The following NBAS variants were observed in gnomAD, a reference collection of about 807,000 sequenced individuals.
The protein encoded by NBAS is NAG/BC035112 fusion.
A neutral mutation model predicts 302.5 loss-of-function variants in NBAS; 219 were observed. The ratio of observed to expected loss-of-function variants is 0.72; its 90% CI spans 0.65 to 0.81. The LOEUF (loss-of-function observed/expected upper bound fraction) is 0.81. NBAS is among the 30% of genes least tolerant of loss of function. NBAS has a pLI of 0.00. For synonymous variants in NBAS, 1,118 were observed against 1,021.6 expected (o/e 1.09, Z -1.80); for missense variants, 2,932 against 2,841.6 (o/e 1.03, Z -0.72).
chr2:14,821,492 C>T, the NBAS span, among the ~76,000 whole-genome samples: 1 of 152,112 alleles, frequency 6.6e-6, no homozygotes, highest in Non-Finnish European at 1.5e-5. Flanking sequence ...TTCACCTTGC[C>T]CACCTTGCCT....
intron 21 of NBAS, among the ~76,000 whole-genome samples, chr2:15,442,466 C>A (rs1171775439): frequency 3.3e-5 from 5 of 151,834 alleles, no homozygotes; most frequent in African/African-American, 1.2e-4. Flanking sequence ...AGAACAAAGA[C>A]ACAACATACC....
intron 9 of NBAS, among the ~76,000 whole-genome samples, chr2:15,532,864 TA>T (rs543524636): frequency 1.7e-4 from 25 of 150,816 alleles, no homozygotes; most frequent in Middle Eastern, 3.5e-3. Flanking sequence ...CACATCTTGG[TA>T]AAAAAAAATA....
At chr2:15,245,644 T>TGGATGGACGGACGGAC (rs1553351366) in intron 44 of NBAS, among the ~76,000 whole-genome samples, 1 of 149,106 alleles carries the variant, frequency 6.7e-6, no homozygotes. Flanking sequence ...GATGGATGGA[T>TGGATGGACGGACGGAC]GGACGGACGG....
chr2:15,102,346 C>T, the NBAS span, among the ~76,000 whole-genome samples: 1 of 152,178 alleles, frequency 6.6e-6, no homozygotes, highest in Non-Finnish European at 1.5e-5. Flanking sequence ...AGGACACACC[C>T]AGGAACTGCA....
At chr2:15,391,064 C>T (rs930664383) in intron 28 of NBAS, among the ~76,000 whole-genome samples, 2 of 151,670 alleles carry the variant, frequency 1.3e-5, no homozygotes, top group African/African-American at 2.4e-5. Context: ...GAGCCGAGAT[C>T]GCACCACTGC....
At chr2:15,305,051 T>C (rs1352486732) in intron 40 of NBAS, among the ~76,000 whole-genome samples, 2 of 152,152 alleles carry the variant, frequency 1.3e-5, no homozygotes, top group Non-Finnish European at 2.9e-5. Flanking sequence ...TGGGGAACTG[T>C]TGGGAAAGCA....
chr2:15,069,710 G>A, the NBAS span, among the ~76,000 whole-genome samples: 1 of 152,124 alleles, frequency 6.6e-6, no homozygotes, highest in African/African-American at 2.4e-5. Flanking sequence ...GAAAAAAAAA[G>A]TAATAACTTT....
intron 35 of NBAS, among the ~76,000 whole-genome samples, chr2:15,337,709 T>C (rs1277986562): frequency 2.0e-5 from 3 of 152,188 alleles, no homozygotes; most frequent in Non-Finnish European, 1.5e-5. Context: ...AAAGAGAAAG[T>C]AAAATGAAAG....
intron 25 of NBAS, among the ~76,000 whole-genome samples, chr2:15,412,611 A>G (rs1279155783): frequency 6.6e-6 from 1 of 152,210 alleles, no homozygotes; most frequent in African/African-American, 2.4e-5. Context: ...TCTTTTTGTA[A>G]ATAATCAAGT....
intron 11 of NBAS, among the ~76,000 whole-genome samples, chr2:15,495,040 T>C (rs1347048646): frequency 6.6e-6 from 1 of 152,178 alleles, no homozygotes; most frequent in Non-Finnish European, 1.5e-5. Flanking sequence ...ATTTCTTCAA[T>C]GCATTGCACA....
chr2:15,364,413 C>A (rs530370125), intron 32 of NBAS, among the ~76,000 whole-genome samples: 1 of 152,248 alleles, frequency 6.6e-6, no homozygotes, highest in Non-Finnish European at 1.5e-5. Flanking sequence ...TGCCTGTAAT[C>A]CCAGCTACTC....
At chr2:15,366,094 T>C (rs1674182867) in intron 32 of NBAS, among the ~76,000 whole-genome samples, 1 of 152,182 alleles carries the variant, frequency 6.6e-6, no homozygotes, top group Non-Finnish European at 1.5e-5. Flanking sequence ...ATAAAATACA[T>C]GAAAACCCCA....
At chr2:15,402,700 A>G (rs1047792748) in intron 25 of NBAS, among the ~76,000 whole-genome samples, 2 of 152,190 alleles carry the variant, frequency 1.3e-5, no homozygotes, top group Non-Finnish European at 2.9e-5. Context: ...AGATGTTACA[A>G]CCTATTACTT....
chr2:15,281,108 C>A (rs1035473796), intron 42 of NBAS, among the ~76,000 whole-genome samples: 2 of 152,150 alleles, frequency 1.3e-5, no homozygotes, highest in African/African-American at 4.8e-5. Context: ...GAGTCTATTT[C>A]TCATCATGCT....
chr2:15,340,622 C>T (rs888050007), intron 35 of NBAS, among the ~76,000 whole-genome samples: 2 of 151,918 alleles, frequency 1.3e-5, no homozygotes, highest in African/African-American at 2.4e-5. Context: ...AGCACAAAGT[C>T]GATTATTTCA....
the NBAS span, among the ~76,000 whole-genome samples, chr2:14,975,059 A>G: frequency 3.3e-5 from 5 of 152,226 alleles, no homozygotes; most frequent in South Asian, 1.0e-3. Context: ...CACAGCCAGC[A>G]AGGAACCAGG....
the NBAS span, among the ~76,000 whole-genome samples, chr2:14,942,042 G>A: frequency 1.3e-5 from 2 of 152,188 alleles, no homozygotes; most frequent in Non-Finnish European, 2.9e-5. Context: ...ATTGAGACAC[G>A]ATGGTTCTAG....
chr2:15,410,292 G>A (rs1440613463), intron 25 of NBAS, among the ~76,000 whole-genome samples: 1 of 152,020 alleles, frequency 6.6e-6, no homozygotes, highest in Non-Finnish European at 1.5e-5. Context: ...CTATCATCTG[G>A]TGATTTTGAT....
At chr2:15,471,024 G>A (rs1311232543) in intron 16 of NBAS, among the ~76,000 whole-genome samples, 2 of 152,086 alleles carry the variant, frequency 1.3e-5, no homozygotes, top group Non-Finnish European at 2.9e-5. Flanking sequence ...TGCCTGTCCT[G>A]TACCCCTTCA....
Sources: allele counts gnomAD v4.1 joint callset (sites outside exome capture counted in the v4.1 genomes callset), GRCh38; gene constraint gnomAD v4.1.1; transcripts MANE v1.5; gene names NCBI Gene and HGNC (gene_info 2026-07-23, HGNC 2026-07-21).